Variants in CELF4 observed in about 807,000 individuals in gnomAD.
CELF4 encodes the protein CUG-BP- and ETR-3-like factor 4.
Under a neutral mutation model 59.9 loss-of-function variants are expected in CELF4, and 18 were observed. The observed-to-expected ratio is 0.30, with a 90% CI of 0.21 to 0.45. CELF4 has a LOEUF of 0.45. CELF4 is among the 20% of genes least tolerant of loss of function. The pLI is 1.00. For synonymous variants in CELF4, 261 were observed against 267.1 expected (o/e 0.98, Z 0.22); for missense variants, 456 against 689.0 (o/e 0.66, Z 3.79).
At chr18:37,532,806 A>G (rs2099970616) in intron 1 of CELF4, among the ~76,000 whole-genome samples, 1 of 152,212 alleles carries the variant, frequency 6.6e-6, no homozygotes. Flanking sequence ...AATTTTACAC[A>G]AAAGAAAAGA....
chr18:37,364,598 G>A (rs779047021), intron 2 of CELF4, among the ~76,000 whole-genome samples: 7 of 152,164 alleles, frequency 4.6e-5, no homozygotes, highest in Admixed American at 6.5e-5. Context: ...TGGGGACCCC[G>A]AACTCAGCAG....
At chr18:37,339,376 G>A (rs958430639) in intron 2 of CELF4, among the ~76,000 whole-genome samples, 3 of 152,204 alleles carry the variant, frequency 2.0e-5, no homozygotes, top group African/African-American at 7.2e-5. Context: ...ACCAGAGCTC[G>A]GCTATGTGGG....
chr18:37,506,762 C>T (rs911548590), intron 1 of CELF4, among the ~76,000 whole-genome samples: 3 of 152,194 alleles, frequency 2.0e-5, no homozygotes, highest in African/African-American at 4.8e-5. Flanking sequence ...CGCAATGTGG[C>T]GCTTCCCTGG....
At chr18:37,264,650 C>A in intron 10 of CELF4, 24 bp downstream of exon 10, 1 of 1,554,708 alleles carries the variant, frequency 6.4e-7, no homozygotes, top group South Asian at 1.2e-5. Flanking sequence ...AGGGAGGGGC[C>A]CAGGAGCTGG....
intron 2 of CELF4, among the ~76,000 whole-genome samples, chr18:37,438,037 G>A (rs1040122401): frequency 3.9e-5 from 6 of 152,160 alleles, no homozygotes; most frequent in East Asian, 1.9e-4. Context: ...GCAAGAAGGC[G>A]GCTGTCTGCA....
chr18:37,459,755 T>G (rs2154602093), intron 2 of CELF4, among the ~76,000 whole-genome samples: 1 of 152,158 alleles, frequency 6.6e-6, no homozygotes, highest in Middle Eastern at 3.4e-3. Context: ...GGGGAGCGGG[T>G]GGAGGTCTTG....
intron 2 of CELF4, among the ~76,000 whole-genome samples, chr18:37,369,214 T>C (rs943220856): frequency 5.3e-5 from 8 of 152,036 alleles, no homozygotes; most frequent in Non-Finnish European, 1.5e-5. Context: ...TGTAAACCTA[T>C]AACTATCTCT....
intron 2 of CELF4, among the ~76,000 whole-genome samples, chr18:37,366,041 C>A (rs1463287747): frequency 6.6e-6 from 1 of 152,150 alleles, no homozygotes. Flanking sequence ...AACTTTCTAG[C>A]TTTTAAGACT....
intron 2 of CELF4, among the ~76,000 whole-genome samples, chr18:37,397,322 G>A (rs908350553): frequency 6.6e-6 from 1 of 152,160 alleles, no homozygotes; most frequent in African/African-American, 2.4e-5. Context: ...AGATTTGCCA[G>A]GCCCTGTGGT....
chr18:37,444,652 A>ACACACACACACACACACACG (rs71168259), intron 2 of CELF4, among the ~76,000 whole-genome samples: 44 of 144,178 alleles, frequency 3.1e-4, no homozygotes, highest in African/African-American at 1.1e-3. Context: ...ACACACACAC[A>ACACACACACACACACACACG]CGCGAACGAT....
intron 1 of CELF4, among the ~76,000 whole-genome samples, chr18:37,565,132 T>G (rs988568955): frequency 9.2e-5 from 14 of 152,114 alleles, no homozygotes; most frequent in African/African-American, 3.4e-4. Flanking sequence ...GCTCTCTCCA[T>G]GGCATCGTTC....
intron 1 of CELF4, among the ~76,000 whole-genome samples, chr18:37,495,169 T>C (rs2099923753): frequency 6.6e-6 from 1 of 152,202 alleles, no homozygotes; most frequent in Admixed American, 6.5e-5. Context: ...ATCTTCCTGT[T>C]TGAATTCTCT....
intron 2 of CELF4, among the ~76,000 whole-genome samples, chr18:37,412,582 T>A (rs1353026151): frequency 1.3e-5 from 2 of 150,864 alleles, no homozygotes; most frequent in African/African-American, 4.9e-5. Flanking sequence ...GGGTGAATGG[T>A]TGAGTGGACG....
At position 37,394,185 on chromosome 18, in the gene CELF4, G is replaced by C. The variant is rs2099208192; in HGVS notation, c.370-72304C>G. 2.0e-5 allele frequency among the ~76,000 whole-genome samples: 3 copies of C among 152,294 alleles called. No homozygotes were observed. In the South Asian group the frequency reaches 6.2e-4, roughly 32 times the overall value. On this transcript the variant is annotated intron_variant, in intron 2 of 12. Coordinates refer to ENST00000420428, the MANE Select transcript of CELF4 (RefSeq NM_020180.4). Reference sequence around the variant, plus strand: ...CCATAGCAACCGAGCTGTGACCATGGCCAGAGAGATGGCTCGGCAGCCGCC... The same window carrying C: ...CCATAGCAACCGAGCTGTGACCATGCCCAGAGAGATGGCTCGGCAGCCGCC...
At chr18:37,405,988 A>T (rs1390987476) in intron 2 of CELF4, among the ~76,000 whole-genome samples, 1 of 152,166 alleles carries the variant, frequency 6.6e-6, no homozygotes, top group Non-Finnish European at 1.5e-5. Context: ...TGAGCCTCAG[A>T]TCTGATTATC....
At chr18:37,263,127 C>T (rs1227926712) in intron 10 of CELF4, among the ~76,000 whole-genome samples, 1 of 152,160 alleles carries the variant, frequency 6.6e-6, no homozygotes, top group Admixed American at 6.5e-5. Context: ...TTGGTCCTCA[C>T]ACCCCTCCAG....
In CELF4 at chr18:37,452,602, C is replaced by T. The variant is rs1003392188; in HGVS notation, c.369+32923G>A. On this transcript the variant is annotated intron_variant, in intron 2 of 12. Transcript: ENST00000420428. ...GATTTCTGCTTGAGAGTCTGTGTCA[C>T]GGTGTCTCTGCATCAGAGCACCACC... is the stretch of plus-strand genomic sequence containing the variant. Among the ~76,000 whole-genome samples the T allele has an allele frequency of 3.9e-5, 6 of 152,140 alleles. No individual in the cohort carries two copies. In the East Asian group the frequency reaches 7.7e-4, roughly 20 times the overall value.
intron 8 of CELF4, among the ~76,000 whole-genome samples, chr18:37,269,098 T>C (rs1363804250): frequency 6.6e-6 from 1 of 152,128 alleles, no homozygotes; most frequent in Non-Finnish European, 1.5e-5. Flanking sequence ...CACCCAGATG[T>C]GCTGGGGATG....
chr18:37,255,686 T>C (rs1280544738), intron 11 of CELF4, among the ~76,000 whole-genome samples: 3 of 151,990 alleles, frequency 2.0e-5, no homozygotes, highest in Non-Finnish European at 4.4e-5. Context: ...AATATGTGAA[T>C]TGTGTGTTGA....
Sources: gnomAD v4.1 joint callset for allele counts (sites outside exome capture counted in the v4.1 genomes callset) on GRCh38, gnomAD v4.1.1 for gene constraint, MANE v1.5 for transcripts, NCBI Gene and HGNC (gene_info 2026-07-23, HGNC 2026-07-21) for gene names.